Variants in STK3 observed in about 807,000 individuals in gnomAD.
STK3 encodes the protein serine/threonine kinase 3, also known as serine/threonine-protein kinase 3.
Under a neutral mutation model 58.0 loss-of-function variants are expected in STK3, and 41 were observed. That is an observed-to-expected ratio of 0.71 (90% CI 0.55 to 0.92). STK3 has a LOEUF of 0.92. Among genes scored for constraint, STK3 ranks in the 40% least tolerant of loss-of-function variants. The pLI is 0.00. For missense variants in STK3, 479 were observed against 602.7 expected (o/e 0.79, Z 2.15); for synonymous variants, 170 against 191.0 (o/e 0.89, Z 0.91).
chr8:98,372,915 A>C (rs1006178932), intron 2 of STK3, among the ~76,000 whole-genome samples: 11 of 152,238 alleles, frequency 7.2e-5, no homozygotes, highest in Non-Finnish European at 8.8e-5. Context: ...TATGATGAGA[A>C]TTGAATGAGA....
the STK3 span, among the ~76,000 whole-genome samples, chr8:98,355,738 C>T: frequency 6.6e-6 from 1 of 152,182 alleles, no homozygotes; most frequent in African/African-American, 2.4e-5. Flanking sequence ...GAAGGACCAC[C>T]AGATATTGTA....
intron 3 of STK3, among the ~76,000 whole-genome samples, chr8:98,838,074 C>CAAAAAAAAAAAA (rs58973724): frequency 6.8e-5 from 4 of 58,700 alleles, no homozygotes; most frequent in South Asian, 7.4e-4. Context: ...ACTAAAAATA[C>CAAAAAAAAAAAA]AAAAAAAAAA....
Position 98,707,141 on chromosome 8 carries a change from A to G in STK3, c.516+6T>C. On this transcript the variant is annotated splice_donor_region_variant and intron_variant, in intron 5 of 10. Coordinates refer to ENST00000419617, the MANE Select transcript of STK3 (RefSeq NM_006281.4). ...AGTGTTTAGAAAACCATTAAAGTTAACTTACTGTTAACTGACCAGCCACTC... is the reference window on the plus strand; with the variant it reads ...AGTGTTTAGAAAACCATTAAAGTTAGCTTACTGTTAACTGACCAGCCACTC... 6.3e-7 allele frequency: 1 copy of G among 1,598,028 alleles called. No individual in the cohort carries two copies. Among genetic ancestry groups the G allele is most frequent in the Non-Finnish European group, 8.5e-7 (1 of 1,176,190 alleles).
At chr8:98,413,044 C>T in intron 3 of STK3, 1 of 230,152 alleles carries the variant, frequency 4.3e-6, no homozygotes. Context: ...GACAGGATCT[C>T]ACTCTGTCAC....
chr8:98,393,180 A>G (rs1001453008), upstream of STK3, among the ~76,000 whole-genome samples: 2 of 152,114 alleles, frequency 1.3e-5, no homozygotes, highest in African/African-American at 4.8e-5. Flanking sequence ...GCAGCCACAC[A>G]TTCCTGGGGC....
chr8:98,849,520 A>G (rs1487899212), intron 3 of STK3, among the ~76,000 whole-genome samples: 1 of 152,186 alleles, frequency 6.6e-6, no homozygotes, highest in Non-Finnish European at 1.5e-5. Flanking sequence ...TTGCAAGTAA[A>G]CCAAACAGTT....
chr8:98,357,042 C>T, the STK3 span, among the ~76,000 whole-genome samples: 5 of 152,326 alleles, frequency 3.3e-5, no homozygotes, highest in South Asian at 4.1e-4. Flanking sequence ...TTCAAGTGCA[C>T]GTAGCCTGTC....
chr8:98,691,440 A>G (rs2130950035), intron 6 of STK3, among the ~76,000 whole-genome samples: 1 of 152,274 alleles, frequency 6.6e-6, no homozygotes, highest in Admixed American at 6.5e-5. Context: ...AAGATCTCTC[A>G]ATATAGTGAT....
At chr8:98,516,536 C>T (rs1262351413) in intron 10 of STK3, among the ~76,000 whole-genome samples, 2 of 151,936 alleles carry the variant, frequency 1.3e-5, no homozygotes, top group Non-Finnish European at 2.9e-5. Context: ...AGCTATAATT[C>T]ACTGTTCCAC....
At chr8:98,515,062 T>C (rs1406360813) in intron 10 of STK3, among the ~76,000 whole-genome samples, 1 of 152,150 alleles carries the variant, frequency 6.6e-6, no homozygotes, top group African/African-American at 2.4e-5. Context: ...AGATGATTTC[T>C]TGAATGTAGA....
chr8:98,344,080 C>G, the STK3 span, among the ~76,000 whole-genome samples: 1 of 152,216 alleles, frequency 6.6e-6, no homozygotes, highest in Admixed American at 6.5e-5. Flanking sequence ...ACTAAAATTA[C>G]TTTTAGTTTC....
chr8:98,524,237 T>A (rs1825588807), intron 10 of STK3, among the ~76,000 whole-genome samples: 1 of 152,250 alleles, frequency 6.6e-6, no homozygotes, highest in African/African-American at 2.4e-5. Context: ...AGTACCACAC[T>A]GTTTTGATTT....
chr8:98,663,955 G>A (rs887960073), intron 6 of STK3, among the ~76,000 whole-genome samples: 2 of 152,086 alleles, frequency 1.3e-5, no homozygotes, highest in African/African-American at 4.8e-5. Context: ...TTGTTGAGAA[G>A]ACTAGAATTC....
rs190036766 is a variant in STK3 at position 98,865,973 on chromosome 8, T to C, written c.110+17674A>G. Among the ~76,000 whole-genome samples, 268 of 152,354 alleles carry C rather than the reference T, an allele frequency of 1.8e-3. 1 individual carries two copies. Among genetic ancestry groups the C allele is most frequent in the African/African-American group, 6.0e-3 (250 of 41,588 alleles). On this transcript the variant is annotated intron_variant, in intron 3 of 12. Coordinates refer to the STK3 transcript ENST00000523601. Reference sequence around the variant, plus strand: ...CCTGCAGTCTGGAGTGGGCAGAGGCTCTGCAAGCAACATTCCTGGGATGCA... The same window carrying C: ...CCTGCAGTCTGGAGTGGGCAGAGGCCCTGCAAGCAACATTCCTGGGATGCA...
At chr8:98,836,058 G>A (rs567789215) in intron 3 of STK3, among the ~76,000 whole-genome samples, 23 of 152,198 alleles carry the variant, frequency 1.5e-4, no homozygotes, top group East Asian at 1.4e-3. Flanking sequence ...AAAATTAGCC[G>A]GGCGCAGTGG....
At chr8:98,361,130 C>T in the STK3 span, among the ~76,000 whole-genome samples, 8 of 152,198 alleles carry the variant, frequency 5.3e-5, no homozygotes, top group Non-Finnish European at 8.8e-5. Context: ...TACCCCCCTT[C>T]CCAACCAGAC....
In STK3 at chr8:98,590,818, A is replaced by T. The variant is rs184176720; in HGVS notation, c.822+5214T>A. ...TTTAGTACTTAACTAAATATTATTT[A>T]AAAAAATTAACCACTTATGTTAGTA... On this transcript the variant is annotated intron_variant, in intron 7 of 10. Transcript: ENST00000419617. Among the ~76,000 whole-genome samples, 854 of 152,302 alleles carry T rather than the reference A, an allele frequency of 5.6e-3. 9 individuals are homozygous for T. The highest frequency in any genetic ancestry group is 0.02 in the African/African-American group (813 of 41,558).
At chr8:98,908,094 G>T (rs2131973133) in intron 1 of STK3, among the ~76,000 whole-genome samples, 1 of 152,244 alleles carries the variant, frequency 6.6e-6, no homozygotes, top group South Asian at 2.1e-4. Flanking sequence ...TCATCAAGAG[G>T]CTAATTGGTT....
the STK3 span, among the ~76,000 whole-genome samples, chr8:98,352,783 C>T: frequency 1.3e-5 from 2 of 151,210 alleles, no homozygotes; most frequent in East Asian, 3.9e-4. Context: ...AAAAAAAAAA[C>T]AATGTACAGT....
Sources: allele counts gnomAD v4.1 joint callset (sites outside exome capture counted in the v4.1 genomes callset), GRCh38; gene constraint gnomAD v4.1.1; transcripts MANE v1.5; gene names NCBI Gene and HGNC (gene_info 2026-07-23, HGNC 2026-07-21).